NRXN3: variants seen among roughly 807,000 people sequenced by gnomAD.
The protein encoded by NRXN3 is neurexin III.
In NRXN3, 32 loss-of-function variants were observed where a neutral mutation model predicts 137.6. The observed-to-expected ratio is 0.23, with a 90% CI of 0.18 to 0.31. The LOEUF is 0.31. Among genes scored for constraint, NRXN3 ranks in the 10% least tolerant of loss-of-function variants. The pLI is 1.00. For missense variants in NRXN3, 1,574 were observed against 2,062.5 expected (o/e 0.76, Z 4.59); for synonymous variants, 798 against 784.5 (o/e 1.02, Z -0.29).
intron 1 of NRXN3, among the ~76,000 whole-genome samples, chr14:78,182,119 G>C (rs1227703413): frequency 2.8e-5 from 4 of 141,492 alleles, no homozygotes; most frequent in African/African-American, 7.7e-5. Context: ...ATGGGGCCGG[G>C]GGGGACAATG....
At chr14:79,472,535 A>G (rs2096523371) in intron 16 of NRXN3, among the ~76,000 whole-genome samples, 1 of 152,234 alleles carries the variant, frequency 6.6e-6, no homozygotes, top group Non-Finnish European at 1.5e-5. Context: ...GCATGTTTGA[A>G]AAAGGCAAAG....
At chr14:79,286,391 T>C (rs1181134490) in intron 15 of NRXN3, among the ~76,000 whole-genome samples, 3 of 152,118 alleles carry the variant, frequency 2.0e-5, no homozygotes, top group Non-Finnish European at 4.4e-5. Context: ...TATTTCTCAA[T>C]TGAAAAATAT....
At chr14:78,606,261 C>T in intron 4 of NRXN3, among the ~76,000 whole-genome samples, 1 of 152,224 alleles carries the variant, frequency 6.6e-6, no homozygotes, top group East Asian at 1.9e-4. Flanking sequence ...TCTTGAATGA[C>T]TTTCCCCTAT....
chr14:79,854,040 T>C, intron 20 of NRXN3: 1 of 984,844 alleles, frequency 1.0e-6, no homozygotes, highest in Non-Finnish European at 1.2e-6. Context: ...TATCATCCTC[T>C]GTTGTAAATT....
intron 19 of NRXN3, among the ~76,000 whole-genome samples, chr14:79,749,759 A>C (rs953900434): frequency 1.4e-5 from 2 of 143,440 alleles, no homozygotes; most frequent in African/African-American, 5.2e-5. Context: ...TTCCCATTCA[A>C]AGCACTTAAT....
intron 14 of NRXN3, among the ~76,000 whole-genome samples, chr14:78,972,341 T>C (rs751828036): frequency 1.3e-5 from 2 of 152,212 alleles, no homozygotes; most frequent in Non-Finnish European, 2.9e-5. Flanking sequence ...TTTGGATATA[T>C]TTTTAAAATT....
intron 15 of NRXN3, among the ~76,000 whole-genome samples, chr14:79,160,068 G>C (rs2060614666): frequency 6.6e-6 from 1 of 151,750 alleles, no homozygotes; most frequent in African/African-American, 2.4e-5. Context: ...CCTCTTCATG[G>C]TTCCAGTATC....
At chr14:78,471,728 G>A (rs2095276528) in intron 4 of NRXN3, among the ~76,000 whole-genome samples, 1 of 152,116 alleles carries the variant, frequency 6.6e-6, no homozygotes, top group African/African-American at 2.4e-5. Flanking sequence ...ATTGGTCTAG[G>A]CATACTTGTA....
intron 4 of NRXN3, among the ~76,000 whole-genome samples, chr14:78,413,512 C>T (rs577299144): frequency 2.6e-5 from 4 of 152,068 alleles, no homozygotes; most frequent in South Asian, 2.1e-4. Context: ...CTTGAACTCC[C>T]GACCTCAGGT....
intron 15 of NRXN3, among the ~76,000 whole-genome samples, chr14:79,122,644 A>G (rs1338364873): frequency 6.6e-6 from 1 of 152,250 alleles, no homozygotes; most frequent in Non-Finnish European, 1.5e-5. Context: ...CTTAACTTGG[A>G]ATATGTAGTG....
intron 16 of NRXN3, among the ~76,000 whole-genome samples, chr14:79,604,234 T>C (rs959282814): frequency 1.1e-4 from 16 of 148,478 alleles, no homozygotes; most frequent in Non-Finnish European, 1.0e-4. Flanking sequence ...TTGTTTTTTG[T>C]TTCTTTGTTT....
At chr14:78,617,066 C>A (rs2097353793) in intron 4 of NRXN3, among the ~76,000 whole-genome samples, 1 of 152,156 alleles carries the variant, frequency 6.6e-6, no homozygotes. Context: ...CTTGCTACTA[C>A]CAAATTCTGT....
At chr14:79,496,000 A>T (rs538847127) in intron 16 of NRXN3, among the ~76,000 whole-genome samples, 1 of 152,136 alleles carries the variant, frequency 6.6e-6, no homozygotes, top group African/African-American at 2.4e-5. Flanking sequence ...ACAGAAACTT[A>T]AACACTTGAG....
At chr14:79,533,366 A>G (rs2097185718) in intron 16 of NRXN3, among the ~76,000 whole-genome samples, 1 of 152,048 alleles carries the variant, frequency 6.6e-6, no homozygotes, top group Non-Finnish European at 1.5e-5. Context: ...TGTTTCATTC[A>G]GTGCAAAGTG....
At chr14:79,325,578 T>A (rs2090731850) in intron 15 of NRXN3, among the ~76,000 whole-genome samples, 1 of 152,202 alleles carries the variant, frequency 6.6e-6, no homozygotes, top group African/African-American at 2.4e-5. Context: ...AGTTCCCTAG[T>A]GGCTATTTTT....
chr14:78,714,568 C>CTTA (rs372918250), intron 7 of NRXN3, among the ~76,000 whole-genome samples, 188 bp from the exon 8 acceptor site: 1 of 152,332 alleles, frequency 6.6e-6, no homozygotes, highest in African/African-American at 2.4e-5. Context: ...GCCAGCTTGA[C>CTTA]TTAGCTGGCA....
At chr14:78,327,168 C>T (rs141568441) in intron 4 of NRXN3, among the ~76,000 whole-genome samples, 6 of 152,208 alleles carry the variant, frequency 3.9e-5, no homozygotes, top group Non-Finnish European at 5.9e-5. Context: ...AATGGTATAT[C>T]GAAATGAGGC....
intron 16 of NRXN3, among the ~76,000 whole-genome samples, chr14:79,511,357 G>A (rs1446634325): frequency 6.6e-6 from 1 of 152,184 alleles, no homozygotes; most frequent in Admixed American, 6.5e-5. Context: ...AGAGAGCCAA[G>A]GGAAGGACAA....
chr14:79,040,712 T>C (rs2099623674), intron 15 of NRXN3, among the ~76,000 whole-genome samples: 1 of 152,058 alleles, frequency 6.6e-6, no homozygotes, highest in Non-Finnish European at 1.5e-5. Context: ...ATTTTTACAG[T>C]TGAATGCAAA....
Sources: allele counts gnomAD v4.1 joint callset (sites outside exome capture counted in the v4.1 genomes callset), GRCh38; gene constraint gnomAD v4.1.1; transcripts MANE v1.5; gene names NCBI Gene and HGNC (gene_info 2026-07-23, HGNC 2026-07-21).